IMMP2L: variants seen among roughly 807,000 people sequenced by gnomAD.
IMMP2L encodes inner mitochondrial membrane peptidase subunit 2.
IMMP2L carries 18 observed loss-of-function variants against 19.3 expected under a neutral mutation model. That is an observed-to-expected ratio of 0.93 (90% CI 0.64 to 1.38). The LOEUF (loss-of-function observed/expected upper bound fraction) is 1.38. IMMP2L is among the 40% of genes most tolerant of loss of function. IMMP2L has a pLI of 0.00. For missense variants in IMMP2L, 233 were observed against 218.2 expected, an observed-to-expected ratio of 1.07 and a Z score of -0.43; for synonymous variants, 76 against 73.0, an observed-to-expected ratio of 1.04 and a Z score of -0.21.
intron 5 of IMMP2L, among the ~76,000 whole-genome samples, chr7:110,830,034 C>T (rs1327083290): frequency 1.3e-5 from 2 of 152,136 alleles, no homozygotes; most frequent in Non-Finnish European, 2.9e-5. Context: ...AGGGCTGGGG[C>T]AAGTCACATA....
intron 4 of IMMP2L, among the ~76,000 whole-genome samples, chr7:110,934,081 G>A (rs781695914): frequency 7.9e-5 from 12 of 152,062 alleles, no homozygotes; most frequent in South Asian, 4.1e-4. Flanking sequence ...TATTTCTGCC[G>A]TAATTTCATT....
At chr7:111,131,481 A>G (rs1184273734) in intron 3 of IMMP2L, among the ~76,000 whole-genome samples, 1 of 152,010 alleles carries the variant, frequency 6.6e-6, no homozygotes, top group Non-Finnish European at 1.5e-5. Context: ...GGAAGAAAAG[A>G]AGGAAACATT....
chr7:110,946,075 C>T (rs912455498), intron 4 of IMMP2L, among the ~76,000 whole-genome samples: 3 of 152,252 alleles, frequency 2.0e-5, no homozygotes, highest in African/African-American at 7.2e-5. Context: ...TGGTGAGAGG[C>T]CAAATACGAA....
intron 3 of IMMP2L, among the ~76,000 whole-genome samples, chr7:111,262,379 G>A (rs1026536925): frequency 5.9e-5 from 9 of 151,980 alleles, no homozygotes; most frequent in South Asian, 2.1e-4. Flanking sequence ...TGAATGAGCC[G>A]GCTATGAGAA....
chr7:111,206,063 A>G lies in IMMP2L; in HGVS notation c.240-242498T>C, dbSNP rs568499037. 2.0e-5 allele frequency among the ~76,000 whole-genome samples: 3 copies of G among 152,292 alleles called. No homozygotes were observed. In the South Asian group the frequency reaches 6.2e-4, roughly 32 times the overall value. On this transcript the variant is annotated intron_variant, in intron 3 of 5. Transcript: ENST00000405709. ...GTGTTAAATCTCTAAAGACATCCCA[A>G]TGATACCAAATCTGTTTTTCTAATG...
At chr7:111,467,195 A>T (rs1051534979) in intron 3 of IMMP2L, among the ~76,000 whole-genome samples, 1 of 152,166 alleles carries the variant, frequency 6.6e-6, no homozygotes, top group Admixed American at 6.5e-5. Context: ...ACCTTGGGCA[A>T]GTCACCCAAT....
chr7:111,437,857 C>A (rs569407435), intron 3 of IMMP2L, among the ~76,000 whole-genome samples: 1 of 151,956 alleles, frequency 6.6e-6, no homozygotes, highest in East Asian at 1.9e-4. Flanking sequence ...ATGCAGTGCA[C>A]AACCTGCAGA....
chr7:110,735,960 G>C (rs1417353886), intron 5 of IMMP2L, among the ~76,000 whole-genome samples: 2 of 151,594 alleles, frequency 1.3e-5, no homozygotes, highest in Non-Finnish European at 2.9e-5. Flanking sequence ...CTTGAGGGCA[G>C]AAAAGTTTCA....
intron 3 of IMMP2L, among the ~76,000 whole-genome samples, chr7:111,481,743 C>A (rs1264203374): frequency 2.0e-5 from 3 of 152,094 alleles, no homozygotes; most frequent in African/African-American, 7.2e-5. Context: ...TTAGTGTTTT[C>A]CATCTCAGAC....
At chr7:111,524,055 A>G (rs1453472636) in intron 1 of IMMP2L, among the ~76,000 whole-genome samples, 1 of 152,112 alleles carries the variant, frequency 6.6e-6, no homozygotes, top group Non-Finnish European at 1.5e-5. Context: ...CCATTAATAT[A>G]AAAGAATAAC....
chr7:110,985,105 G>C (rs1398975584), intron 3 of IMMP2L, among the ~76,000 whole-genome samples: 7 of 151,978 alleles, frequency 4.6e-5, no homozygotes. Context: ...ACAAAAAGCA[G>C]GCAAGGAGTT....
At chr7:111,225,533 T>G (rs868620955) in intron 3 of IMMP2L, among the ~76,000 whole-genome samples, 1 of 152,028 alleles carries the variant, frequency 6.6e-6, no homozygotes, top group Admixed American at 6.6e-5. Flanking sequence ...TTCATTGATA[T>G]GGCATCAGAT....
chr7:111,325,124 A>C (rs1159768515), intron 3 of IMMP2L, among the ~76,000 whole-genome samples: 1 of 151,778 alleles, frequency 6.6e-6, no homozygotes, highest in Non-Finnish European at 1.5e-5. Flanking sequence ...AAACCCAATA[A>C]TAGGTTAATC....
At chr7:110,928,183 C>T (rs1192184428) in intron 4 of IMMP2L, among the ~76,000 whole-genome samples, 1 of 151,818 alleles carries the variant, frequency 6.6e-6, no homozygotes, top group Middle Eastern at 3.2e-3. Flanking sequence ...CTATGGAGGG[C>T]ATCAACTGAA....
Position 111,175,561 on chromosome 7 carries a change from GT to G in IMMP2L, c.240-211997del, listed in dbSNP as rs1049610218. On this transcript the variant is annotated intron_variant, in intron 3 of 5. Transcript: ENST00000405709. ...TATAAATTTTATCTACAATGTGGAG[GT>G]TTTTTTTTAAATAGTAGAAGAAGGA... Among the ~76,000 whole-genome samples the G allele has an allele frequency of 8.7e-5, 13 of 150,156 alleles. No homozygotes were observed. The South Asian group carries it at 1.9e-3, about 22-fold the overall frequency.
At chr7:111,387,279 A>G (rs188225445) in intron 3 of IMMP2L, among the ~76,000 whole-genome samples, 1 of 152,226 alleles carries the variant, frequency 6.6e-6, no homozygotes, top group Admixed American at 6.6e-5. Context: ...TCCTCTGACC[A>G]CCATGTCTCC....
chr7:110,735,145 C>T lies in IMMP2L; in HGVS notation c.409-71424G>A, dbSNP rs111633047. ...CAACAGAAAATTCCATCTCCTGACA[C>T]GTGCGCAGTAAGGGGAACAAAGCAA... is the stretch of plus-strand genomic sequence containing the variant. On this transcript the variant is annotated intron_variant, in intron 5 of 5. Coordinates refer to ENST00000405709, the MANE Select transcript of IMMP2L (RefSeq NM_032549.4). Among the ~76,000 whole-genome samples, 378 of 152,212 alleles carry T rather than the reference C, an allele frequency of 2.5e-3. 6 individuals are homozygous for T. Among genetic ancestry groups the T allele is most frequent in the South Asian group, 0.019 (93 of 4,816 alleles).
At chr7:110,725,284 C>T (rs1795818214) in intron 5 of IMMP2L, among the ~76,000 whole-genome samples, 1 of 152,068 alleles carries the variant, frequency 6.6e-6, no homozygotes, top group Non-Finnish European at 1.5e-5. Context: ...ATTTTAGTTA[C>T]TAAAGAAATT....
chr7:111,533,432 C>T (rs1345163701), intron 1 of IMMP2L, among the ~76,000 whole-genome samples: 1 of 152,106 alleles, frequency 6.6e-6, no homozygotes, highest in Non-Finnish European at 1.5e-5. Flanking sequence ...CTGACCCGCT[C>T]CTAAATTTCT....
Sources: gnomAD v4.1 joint callset for allele counts (sites outside exome capture counted in the v4.1 genomes callset) on GRCh38, gnomAD v4.1.1 for gene constraint, MANE v1.5 for transcripts, NCBI Gene and HGNC (gene_info 2026-07-23, HGNC 2026-07-21) for gene names.